Variants in DIAPH3 observed in about 807,000 individuals in gnomAD.
DIAPH3 encodes diaphanous related formin 3, also known as protein diaphanous homolog 3.
DIAPH3 carries 117 observed loss-of-function variants against 144.3 expected under a neutral mutation model. The observed-to-expected ratio is 0.81, with a 90% CI of 0.70 to 0.95. The LOEUF (loss-of-function observed/expected upper bound fraction) is 0.95. Among genes scored for constraint, DIAPH3 ranks in the 40% least tolerant of loss-of-function variants. The pLI is 0.00. For missense variants in DIAPH3, 1,421 were observed against 1,412.7 expected, an observed-to-expected ratio of 1.01 and a Z score of -0.09; for synonymous variants, 519 against 488.9, an observed-to-expected ratio of 1.06 and a Z score of -0.81.
chr13:60,113,943 G>A (rs189042209), intron 2 of DIAPH3, among the ~76,000 whole-genome samples: 263 of 152,234 alleles, frequency 1.7e-3, no homozygotes, highest in Non-Finnish European at 3.3e-3. Context: ...CCAATGGCTC[G>A]GAGCAGAACA....
intron 27 of DIAPH3, among the ~76,000 whole-genome samples, chr13:59,686,987 A>G (rs1415516426): frequency 2.0e-5 from 3 of 152,030 alleles, no homozygotes; most frequent in African/African-American, 7.2e-5. Context: ...AGCACCAACC[A>G]TTTCTCTTTG....
At chr13:59,688,055 C>G (rs1230260386) in intron 27 of DIAPH3, among the ~76,000 whole-genome samples, 12 of 152,018 alleles carry the variant, frequency 7.9e-5, no homozygotes, top group African/African-American at 2.9e-4. Flanking sequence ...CAAAGATTTT[C>G]TTCCCCCAGT....
rs761664848 is a variant in DIAPH3 at position 59,666,763 on chromosome 13, C to T, written c.3403G>A (p.Glu1135Lys). 2.5e-6 allele frequency: 4 copies of T among 1,614,120 alleles called. No individual in the cohort carries two copies. The highest frequency in any genetic ancestry group is 3.4e-6 in the Non-Finnish European group (4 of 1,179,994). ...TGAGTGTCTAGATTATAATTAAGCT[C>T]CTTGGCGACTGGAGTCCTTGTTGAG... Reference protein sequence around the residue: ...CNSTRTPVAKELNYNLDTHTS... With the variant: ...CNSTRTPVAKKLNYNLDTHTS... Residue 1135 changes from glutamate (E) to lysine (K), a missense_variant, in exon 28 of 28, where the codon GAG becomes AAG. By Grantham distance (56) the Glu-to-Lys change is moderately conservative (BLOSUM62 1). Transcript: ENST00000400324.
chr13:60,145,796 G>C (rs1277044814), intron 1 of DIAPH3, among the ~76,000 whole-genome samples: 1 of 151,636 alleles, frequency 6.6e-6, no homozygotes. Context: ...GAAATGAAAA[G>C]CTTTTTTATT....
At chr13:59,696,544 T>A (rs1355442472) in intron 27 of DIAPH3, among the ~76,000 whole-genome samples, 2 of 152,204 alleles carry the variant, frequency 1.3e-5, no homozygotes, top group Non-Finnish European at 2.9e-5. Context: ...TCACTTTAGA[T>A]CTCACTGTTA....
intron 4 of DIAPH3, among the ~76,000 whole-genome samples, chr13:60,054,011 T>A (rs550999606): frequency 2.0e-5 from 3 of 152,060 alleles, no homozygotes; most frequent in South Asian, 2.1e-4. Context: ...ACCTGTGATA[T>A]CAAAGGAGTC....
At chr13:60,043,255 A>C (rs1215327765) in intron 4 of DIAPH3, among the ~76,000 whole-genome samples, 1 of 152,238 alleles carries the variant, frequency 6.6e-6, no homozygotes, top group East Asian at 1.9e-4. Flanking sequence ...AGTTCTAGGC[A>C]CTGTAGACAC....
At chr13:59,994,969 G>T (rs544092149) in intron 9 of DIAPH3, among the ~76,000 whole-genome samples, 7 of 151,786 alleles carry the variant, frequency 4.6e-5, no homozygotes, top group Non-Finnish European at 7.4e-5. Flanking sequence ...GTAAATTTTT[G>T]AGCAAGGAGG....
chr13:60,120,480 T>C (rs541757994), intron 2 of DIAPH3, among the ~76,000 whole-genome samples: 6 of 152,366 alleles, frequency 3.9e-5, no homozygotes, highest in Admixed American at 3.9e-4. Flanking sequence ...GCCAGAGGCT[T>C]CTTTGAAAAG....
chr13:59,792,836 A>G (rs915560804), intron 25 of DIAPH3, among the ~76,000 whole-genome samples: 7 of 151,558 alleles, frequency 4.6e-5, no homozygotes, highest in Non-Finnish European at 1.0e-4. Context: ...TAAGCCCCAA[A>G]CTCCATCTTC....
chr13:59,877,192 CCT>C (rs1459388334), intron 21 of DIAPH3, among the ~76,000 whole-genome samples: 1 of 152,024 alleles, frequency 6.6e-6, no homozygotes, highest in Non-Finnish European at 1.5e-5. Context: ...ACAAAAAACC[CCT>C]GATCTCATTC....
At chr13:60,156,945 T>A (rs1256851035) in intron 1 of DIAPH3, among the ~76,000 whole-genome samples, 1,572 of 34,822 alleles carry the variant, frequency 0.045, 62 homozygotes, top group African/African-American at 0.13. Context: ...ATATATTTTT[T>A]TTTTTTTTTT....
At chr13:59,736,887 A>C (rs1291100937) in intron 27 of DIAPH3, among the ~76,000 whole-genome samples, 1 of 152,188 alleles carries the variant, frequency 6.6e-6, no homozygotes, top group East Asian at 1.9e-4. Context: ...ACCTGACAAA[A>C]ACAAGCAACG....
At chr13:60,009,460 T>C (rs924588504) in intron 8 of DIAPH3, among the ~76,000 whole-genome samples, 3 of 151,804 alleles carry the variant, frequency 2.0e-5, no homozygotes, top group East Asian at 3.9e-4. Flanking sequence ...AAAGACAGAA[T>C]TAAAAAATGA....
chr13:59,762,728 C>G (rs1369890778), intron 27 of DIAPH3, among the ~76,000 whole-genome samples: 3 of 152,028 alleles, frequency 2.0e-5, no homozygotes, highest in Non-Finnish European at 2.9e-5. Context: ...ACATTTTCCC[C>G]TGATCTTCCC....
At chr13:60,146,719 G>C (rs1252438862) in intron 1 of DIAPH3, among the ~76,000 whole-genome samples, 6 of 152,126 alleles carry the variant, frequency 3.9e-5, no homozygotes, top group Non-Finnish European at 7.4e-5. Context: ...GGAGACTTCA[G>C]CAATGATTTA....
At chr13:59,675,126 T>C (rs1167248549) in intron 27 of DIAPH3, among the ~76,000 whole-genome samples, 2 of 152,192 alleles carry the variant, frequency 1.3e-5, no homozygotes, top group Non-Finnish European at 2.9e-5. Flanking sequence ...AATGCGATGG[T>C]GCCATGATGG....
chr13:60,101,599 A>G (rs1225042188), intron 3 of DIAPH3, among the ~76,000 whole-genome samples: 1 of 151,906 alleles, frequency 6.6e-6, no homozygotes, highest in African/African-American at 2.4e-5. Context: ...TCTTCTTCCA[A>G]TGTGGCCCAG....
chr13:59,902,037 T>A (rs1419784946), intron 20 of DIAPH3, among the ~76,000 whole-genome samples: 1 of 152,202 alleles, frequency 6.6e-6, no homozygotes, highest in East Asian at 1.9e-4. Flanking sequence ...CAATGTTAAG[T>A]TTCACCATTA....
Sources: gnomAD v4.1 joint callset for allele counts (sites outside exome capture counted in the v4.1 genomes callset) on GRCh38, gnomAD v4.1.1 for gene constraint, MANE v1.5 for transcripts, NCBI Gene and HGNC (gene_info 2026-07-23, HGNC 2026-07-21) for gene names.